Variants in BLTP3B observed in about 807,000 individuals in gnomAD.
BLTP3B encodes bridge-like lipid transfer protein family member 3B.
the BLTP3B span, among the ~76,000 whole-genome samples, chr12:100,136,537 G>A: frequency 6.6e-6 from 1 of 151,970 alleles, no homozygotes; most frequent in African/African-American, 2.4e-5. Context: ...GCTCAAAAAC[G>A]TTAAATACAT....
At chr12:100,141,407 A>ATATATG in the BLTP3B span, among the ~76,000 whole-genome samples, 2 of 147,026 alleles carry the variant, frequency 1.4e-5, no homozygotes, top group African/African-American at 2.6e-5. Context: ...ATATATGTGT[A>ATATATG]TATATGTATA....
chr12:100,060,908 C>A, the BLTP3B span, among the ~76,000 whole-genome samples: 1 of 152,082 alleles, frequency 6.6e-6, no homozygotes, highest in Non-Finnish European at 1.5e-5. Flanking sequence ...GGAGAGGGAA[C>A]ACTGTAACAA....
At chr12:100,059,475 G>C in the BLTP3B span, 1 of 1,612,298 alleles carries the variant, frequency 6.2e-7, no homozygotes, top group East Asian at 2.2e-5. Flanking sequence ...ACTCTGAATA[G>C]AAATTGCACG....
the BLTP3B span, among the ~76,000 whole-genome samples, chr12:100,076,501 C>A: frequency 6.7e-6 from 1 of 149,450 alleles, no homozygotes; most frequent in East Asian, 2.0e-4. Context: ...TGAAGCGATT[C>A]TCGTGCCTCA....
the BLTP3B span, chr12:100,069,948 A>G: frequency 8.5e-7 from 1 of 1,175,126 alleles, no homozygotes; most frequent in Non-Finnish European, 1.0e-6. Context: ...AAAAACAATT[A>G]TGGGGGCATG....
the BLTP3B span, chr12:100,037,443 C>T: frequency 7.5e-7 from 1 of 1,331,582 alleles, no homozygotes; most frequent in African/African-American, 1.5e-5. Context: ...AAACACAAAA[C>T]AACCAAAAGA....
the BLTP3B span, chr12:100,072,618 AG>A: frequency 2.9e-6 from 4 of 1,380,984 alleles, no homozygotes; most frequent in Non-Finnish European, 3.8e-6. Context: ...AATATTAACA[AG>A]AAAAAAATAC....
chr12:100,132,205 A>G, the BLTP3B span, among the ~76,000 whole-genome samples: 1 of 152,250 alleles, frequency 6.6e-6, no homozygotes, highest in Admixed American at 6.5e-5. Flanking sequence ...GCAGTACTAA[A>G]GCAAAGTGTA....
the BLTP3B span, among the ~76,000 whole-genome samples, chr12:100,112,483 G>C: frequency 1.3e-5 from 2 of 151,184 alleles, no homozygotes; most frequent in South Asian, 2.1e-4. Flanking sequence ...CTCCAGCCTG[G>C]GTGACAGAGC....
At chr12:100,055,831 G>A in the BLTP3B span, among the ~76,000 whole-genome samples, 2 of 152,112 alleles carry the variant, frequency 1.3e-5, no homozygotes, top group African/African-American at 2.4e-5. Context: ...ACAGGGTTGA[G>A]GCAATCAGGT....
At chr12:100,123,552 A>G in the BLTP3B span, among the ~76,000 whole-genome samples, 7 of 152,288 alleles carry the variant, frequency 4.6e-5, no homozygotes, top group South Asian at 1.4e-3. Context: ...CAAATCCCAC[A>G]GGCTGAGGGC....
At chr12:100,058,956 C>A in the BLTP3B span, 1 of 1,614,128 alleles carries the variant, frequency 6.2e-7, no homozygotes, top group Non-Finnish European at 8.5e-7. Flanking sequence ...AGACTCTGTA[C>A]TATAATACTC....
chr12:100,086,233 G>C, the BLTP3B span: 13 of 1,275,070 alleles, frequency 1.0e-5, 1 homozygote, highest in Non-Finnish European at 1.4e-5. Flanking sequence ...TATATAATTT[G>C]AAAACAACAT....
chr12:100,058,031 T>G, the BLTP3B span: 7 of 1,561,470 alleles, frequency 4.5e-6, no homozygotes, highest in Non-Finnish European at 6.0e-6. Context: ...GTTGTTACCT[T>G]AAAGATGACT....
the BLTP3B span, chr12:100,058,848 T>C: frequency 5.6e-6 from 9 of 1,613,836 alleles, no homozygotes; most frequent in Non-Finnish European, 7.6e-6. Flanking sequence ...TTTATGAACA[T>C]GAACTAGGAG....
At chr12:100,105,970 A>T in the BLTP3B span, among the ~76,000 whole-genome samples, 1 of 152,170 alleles carries the variant, frequency 6.6e-6, no homozygotes, top group Admixed American at 6.6e-5. Context: ...AAAATCATTA[A>T]TCATAAGGGA....
At chr12:100,128,616 T>C in the BLTP3B span, 1 of 1,284,650 alleles carries the variant, frequency 7.8e-7, no homozygotes, top group Non-Finnish European at 1.0e-6. Context: ...TCCCTATTCC[T>C]GGTGAAAGCA....
the BLTP3B span, chr12:100,050,967 C>A: frequency 7.1e-7 from 1 of 1,401,516 alleles, no homozygotes; most frequent in Non-Finnish European, 9.6e-7. Flanking sequence ...TTGAATTGCC[C>A]ACCATCTAAG....
At chr12:100,080,674 C>A in the BLTP3B span, among the ~76,000 whole-genome samples, 1 of 152,126 alleles carries the variant, frequency 6.6e-6, no homozygotes, top group Non-Finnish European at 1.5e-5. Flanking sequence ...ATTTTATAGG[C>A]TCATAGGCAG....
Sources: allele counts gnomAD v4.1 joint callset (sites outside exome capture counted in the v4.1 genomes callset), GRCh38; gene constraint gnomAD v4.1.1; transcripts MANE v1.5; gene names NCBI Gene and HGNC (gene_info 2026-07-23, HGNC 2026-07-21).